Variants in BCAT1 observed in about 807,000 individuals in gnomAD.
BCAT1 encodes the protein branched chain amino acid transaminase 1.
In BCAT1, 48 loss-of-function variants were observed where a neutral mutation model predicts 52.4. The ratio of observed to expected loss-of-function variants is 0.92; its 90% CI spans 0.73 to 1.16. The LOEUF is 1.16. BCAT1 is among the 50% of genes most tolerant of loss of function. The probability of loss-of-function intolerance (pLI) is 0.00; values close to 1 mark genes in which losing one functional copy is unlikely to be tolerated. For synonymous variants in BCAT1, 167 were observed against 161.3 expected (o/e 1.04, Z -0.27); for missense variants, 451 against 457.1 (o/e 0.99, Z 0.12).
chr12:24,900,760 C>CTACTAATCTCTACTAAATCTCTACTAA (rs1858416208), intron 2 of BCAT1, among the ~76,000 whole-genome samples: 1 of 152,104 alleles, frequency 6.6e-6, no homozygotes, highest in African/African-American at 2.4e-5. Flanking sequence ...GTGATAACCC[C>CTACTAATCTCTACTAAATCTCTACTAA]ATCTCTACTA....
In BCAT1 at chr12:24,810,369, T is replaced by C. The variant is rs1939642664; in HGVS notation, c.*7639A>G. The C allele has an allele frequency of 6.6e-6, 1 of 152,206 alleles. No homozygotes were observed. Among genetic ancestry groups the C allele is most frequent in the African/African-American group, 2.4e-5 (1 of 41,442 alleles). The allele number at this position is 152,206 out of a possible 1,614,324, so 9.4% of individuals were successfully genotyped here. A position where few individuals can be genotyped will look rare whatever the true frequency, so the allele number is the denominator to read the frequency against. On this transcript the variant is annotated 3_prime_UTR_variant, in exon 11 of 11. Coordinates refer to ENST00000261192, the MANE Select transcript of BCAT1 (RefSeq NM_005504.7). ...TCATGATTTGAAAAATATGCTTAAATCACACTGAATCAGCTTAGCAGAAAA... is the reference window on the plus strand; with the variant it reads ...TCATGATTTGAAAAATATGCTTAAACCACACTGAATCAGCTTAGCAGAAAA...
At chr12:24,847,002 A>C (rs954657605) in intron 6 of BCAT1, among the ~76,000 whole-genome samples, 1 of 152,166 alleles carries the variant, frequency 6.6e-6, no homozygotes, top group Admixed American at 6.5e-5. Flanking sequence ...TTGACTCCTA[A>C]ACCCAAGCTT....
chr12:24,844,558 T>C (rs570803649), intron 6 of BCAT1, among the ~76,000 whole-genome samples: 3 of 152,272 alleles, frequency 2.0e-5, no homozygotes, highest in East Asian at 1.9e-4. Context: ...CTATGGTGAT[T>C]GCCATTGGAG....
At chr12:24,938,434 T>C (rs1328049131) in intron 1 of BCAT1, among the ~76,000 whole-genome samples, 3 of 151,960 alleles carry the variant, frequency 2.0e-5, no homozygotes, top group Admixed American at 1.3e-4. Flanking sequence ...CTACTGTGGG[T>C]CGAGTTAAGA....
intron 1 of BCAT1, among the ~76,000 whole-genome samples, chr12:24,907,615 G>A (rs184301075): frequency 1.3e-5 from 2 of 152,200 alleles, no homozygotes; most frequent in East Asian, 3.9e-4. Flanking sequence ...AATGTACTTT[G>A]TGATATTTCC....
chr12:24,940,001 A>G (rs1943823637), intron 1 of BCAT1, among the ~76,000 whole-genome samples: 1 of 152,176 alleles, frequency 6.6e-6, no homozygotes, highest in Non-Finnish European at 1.5e-5. Flanking sequence ...AAATATATAA[A>G]TATATACAGT....
chr12:24,862,074 T>C (rs4257068), intron 5 of BCAT1, among the ~76,000 whole-genome samples: 134,492 of 152,206 alleles, frequency 0.88, 59,634 homozygotes, highest in East Asian at 1. Context: ...TCCAGGAAAA[T>C]TCATGAATAA....
chr12:24,891,534 T>A (rs1321769093), intron 3 of BCAT1, among the ~76,000 whole-genome samples: 1 of 152,220 alleles, frequency 6.6e-6, no homozygotes, highest in African/African-American at 2.4e-5. Flanking sequence ...TTTTGTTACA[T>A]AGTGGTAACC....
chr12:24,834,334 T>G (rs1196827969), intron 8 of BCAT1: 3 of 984,990 alleles, frequency 3.0e-6, no homozygotes, highest in Non-Finnish European at 3.6e-6. Flanking sequence ...CATCATGGAA[T>G]TAGTGGTATA....
intron 5 of BCAT1, among the ~76,000 whole-genome samples, chr12:24,867,932 G>A (rs1018195955): frequency 3.9e-5 from 6 of 152,216 alleles, no homozygotes; most frequent in Non-Finnish European, 2.9e-5. Flanking sequence ...TTGAACCTGG[G>A]AGACAGAGGT....
At chr12:24,929,746 C>G (rs1018477090) in intron 1 of BCAT1, among the ~76,000 whole-genome samples, 1 of 152,142 alleles carries the variant, frequency 6.6e-6, no homozygotes, top group Non-Finnish European at 1.5e-5. Context: ...TCACCACCTC[C>G]CCTCAATAAG....
intron 10 of BCAT1, 30 bp downstream of exon 10, chr12:24,829,792 GA>G: frequency 6.8e-7 from 1 of 1,469,452 alleles, no homozygotes. Flanking sequence ...AAAAGAAAAG[GA>G]AAGAAAAGAA....
rs1939813377 is a variant in BCAT1 at position 24,814,796 on chromosome 12, C to CT, written c.*3211dup. The CT allele has an allele frequency of 1.1e-5, 1 of 91,254 alleles. No individual in the cohort carries two copies. The highest frequency in any genetic ancestry group is 2.2e-5 in the Non-Finnish European group (1 of 44,904). 5.7% of individuals were successfully genotyped at this position (91,254 alleles called of 1,614,324 possible). A position where few individuals can be genotyped will look rare whatever the true frequency, so the allele number is the denominator to read the frequency against. On this transcript the variant is annotated 3_prime_UTR_variant, in exon 11 of 11. Transcript: ENST00000261192. ...TTCTTGCTACTGCCTGCCTCTGCCTCTGTTTGTTTTTTTTTTTTTTTTTTG... is the reference window on the plus strand; with the variant it reads ...TTCTTGCTACTGCCTGCCTCTGCCTCTTGTTTGTTTTTTTTTTTTTTTTTTG...
At chr12:24,878,723 G>A (rs1942415373) in intron 4 of BCAT1, 74 bp from the exon 5 acceptor site, 4 of 1,328,666 alleles carry the variant, frequency 3.0e-6, no homozygotes, top group East Asian at 4.9e-5. Flanking sequence ...CCTCACTGAA[G>A]CATTTAAACT....
chr12:24,899,096 T>G (rs952537340), intron 2 of BCAT1, among the ~76,000 whole-genome samples: 1 of 152,054 alleles, frequency 6.6e-6, no homozygotes, highest in Admixed American at 6.6e-5. Context: ...TTGGAAGAAA[T>G]AGATGGCTGA....
rs550877256 is a variant in BCAT1 at position 24,815,162 on chromosome 12, G to A, written c.*2846C>T. 6.6e-6 allele frequency: 1 copy of A among 152,082 alleles called. No homozygotes were observed. The highest frequency in any genetic ancestry group is 1.9e-4 in the East Asian group (1 of 5,186). The allele number at this position is 152,082 out of a possible 1,614,324, so 9.4% of individuals were successfully genotyped here. A position where few individuals can be genotyped will look rare whatever the true frequency, so the allele number is the denominator to read the frequency against. On this transcript the variant is annotated 3_prime_UTR_variant, in exon 11 of 11. Coordinates refer to ENST00000261192, the MANE Select transcript of BCAT1 (RefSeq NM_005504.7). ...TCTTGACACTTCATTTTAAAATCTT[G>A]GTTTCTACTGATGTGTTTTCAAAAA...
rs1421034986 is a variant in BCAT1, at chr12:24,811,049, C to T, written c.*6959G>A. On this transcript the variant is annotated 3_prime_UTR_variant, in exon 11 of 11. Transcript: ENST00000261192. Reference sequence around the variant, plus strand: ...GAATGGGAAGAGGTAATCTACTCCCCCCATTCTGTGCAAATCTCAAACGAC... The same window carrying T: ...GAATGGGAAGAGGTAATCTACTCCCTCCATTCTGTGCAAATCTCAAACGAC... The T allele has an allele frequency of 1.3e-5, 2 of 152,136 alleles. No homozygotes were observed. The highest frequency in any genetic ancestry group is 4.8e-5 in the African/African-American group (2 of 41,426). The allele number at this position is 152,136 out of a possible 1,614,324, so 9.4% of individuals were successfully genotyped here. A position where few individuals can be genotyped will look rare whatever the true frequency, so the allele number is the denominator to read the frequency against.
At chr12:24,937,341 G>A (rs1440663747) in intron 1 of BCAT1, among the ~76,000 whole-genome samples, 1 of 152,192 alleles carries the variant, frequency 6.6e-6, no homozygotes, top group African/African-American at 2.4e-5. Flanking sequence ...GAGTTTGGGG[G>A]ATGAGGGAGG....
chr12:24,946,691 T>G (rs1231757881), intron 1 of BCAT1, among the ~76,000 whole-genome samples: 1 of 152,312 alleles, frequency 6.6e-6, no homozygotes, highest in East Asian at 1.9e-4. Flanking sequence ...TTGTGTAGCC[T>G]TCACAAAGCT....
Sources: allele counts gnomAD v4.1 joint callset (sites outside exome capture counted in the v4.1 genomes callset), GRCh38; gene constraint gnomAD v4.1.1; transcripts MANE v1.5; gene names NCBI Gene and HGNC (gene_info 2026-07-23, HGNC 2026-07-21).